Variants in JAKMIP3 observed in about 807,000 individuals in gnomAD.
JAKMIP3 encodes janus kinase and microtubule-interacting protein 3.
JAKMIP3 carries 58 observed loss-of-function variants against 118.5 expected under a neutral mutation model. That is an observed-to-expected ratio of 0.49 (90% CI 0.40 to 0.61). JAKMIP3 has a LOEUF of 0.61. JAKMIP3 is among the 20% of genes least tolerant of loss of function. The pLI is 0.00. For synonymous variants in JAKMIP3, 486 were observed against 451.2 expected (o/e 1.08, Z -0.98); for missense variants, 950 against 1,109.0 (o/e 0.86, Z 2.04).
chr10:132,140,703 C>A, intron 10 of JAKMIP3, 124 bp downstream of exon 10: 1 of 1,412,468 alleles, frequency 7.1e-7, no homozygotes, highest in South Asian at 1.6e-5. Context: ...TGGGCATGGG[C>A]TGCCGGCTTT....
At chr10:132,051,556 C>T (rs963517909) in intron 1 of JAKMIP3, among the ~76,000 whole-genome samples, 8 of 151,792 alleles carry the variant, frequency 5.3e-5, no homozygotes, top group Non-Finnish European at 1.2e-4. Flanking sequence ...GATTCTTTTG[C>T]CTATTTTTTT....
chr10:132,135,451 G>A (rs2051551569), intron 5 of JAKMIP3, among the ~76,000 whole-genome samples: 1 of 152,210 alleles, frequency 6.6e-6, no homozygotes, highest in Non-Finnish European at 1.5e-5. Context: ...CCTCTCAGTG[G>A]GGCTGTTGCC....
chr10:132,082,284 G>A lies in JAKMIP3; in HGVS notation c.-138+16223G>A, dbSNP rs575822917. Among the ~76,000 whole-genome samples, 4 of 151,858 alleles carry A rather than the reference G, an allele frequency of 2.6e-5. 1 individual carries two copies. The South Asian group carries it at 8.4e-4, about 32-fold the overall frequency. ...GAACAGGTGGTGTTCGGTTACATGG[G>A]TAAATTGTTTAGCGGTGATTTGTGA... On this transcript the variant is annotated intron_variant, in intron 1 of 23. Coordinates refer to ENST00000684848, the MANE Select transcript of JAKMIP3 (RefSeq NM_001323087.2).
intron 1 of JAKMIP3, among the ~76,000 whole-genome samples, chr10:132,084,379 A>G (rs760457142): frequency 1.3e-5 from 2 of 152,210 alleles, no homozygotes; most frequent in Non-Finnish European, 2.9e-5. Context: ...ATTTGTGTAC[A>G]TTAATTTTGT....
At chr10:132,109,085 TAC>T (rs1260029089) in intron 2 of JAKMIP3, among the ~76,000 whole-genome samples, 6 of 128,830 alleles carry the variant, frequency 4.7e-5, no homozygotes, top group South Asian at 2.3e-4. Flanking sequence ...CACATATATA[TAC>T]ACACACATAT....
chr10:132,148,076 T>A (rs1242590277), intron 14 of JAKMIP3, 26 bp downstream of exon 14: 4 of 1,470,146 alleles, frequency 2.7e-6, no homozygotes, highest in Non-Finnish European at 3.8e-6. Context: ...GCCAGCACTG[T>A]GGCCTGTGGC....
At chr10:132,127,392 TTG>T (rs145559558) in intron 3 of JAKMIP3, among the ~76,000 whole-genome samples, 8,157 of 146,826 alleles carry the variant, frequency 0.056, 414 homozygotes, top group African/African-American at 0.13. Flanking sequence ...CTGGCTAATT[TTG>T]TGTGTGTGTG....
At position 132,044,593 on chromosome 10, in the gene JAKMIP3, C is replaced by T. The variant is rs1214068219; in HGVS notation, c.-138+7855C>T. ...GGGGTGCACCTGGGACTAGAGCAGG[C>T]TGGGGTCCTGGCGCGGGCTCTTCCT... On this transcript the variant is annotated intron_variant, in intron 1 of 23. Transcript: ENST00000657785. This position sits in a 1 kb window ranked among gnomAD's most constrained non-coding sequence, Gnocchi z 5.3. Among the ~76,000 whole-genome samples, 1 of 152,108 alleles carries T rather than the reference C, an allele frequency of 6.6e-6. No individual in the cohort carries two copies. Among genetic ancestry groups the T allele is most frequent in the Non-Finnish European group, 1.5e-5 (1 of 68,018 alleles).
intron 23 of JAKMIP3, among the ~76,000 whole-genome samples, chr10:132,173,984 C>CTGTGGTGTGTCTGTGGTAGTG (rs1228266757): frequency 7.3e-6 from 1 of 137,822 alleles, no homozygotes; most frequent in Admixed American, 7.2e-5. Flanking sequence ...CTCTGGTGGT[C>CTGTGGTGTGTCTGTGGTAGTG]TGTGGTGTGT....
chr10:132,095,730 A>C (rs1244430571), intron 1 of JAKMIP3, among the ~76,000 whole-genome samples: 1 of 152,178 alleles, frequency 6.6e-6, no homozygotes, highest in Non-Finnish European at 1.5e-5. Context: ...TTCTGCCTGC[A>C]ATCTAGTCCC....
intron 1 of JAKMIP3, among the ~76,000 whole-genome samples, chr10:132,038,465 TA>T (rs952729306): frequency 3.2e-4 from 48 of 152,052 alleles, no homozygotes; most frequent in Admixed American, 2.0e-4. Flanking sequence ...AGCTAATTTT[TA>T]AAAAAAGACG....
intron 16 of JAKMIP3, among the ~76,000 whole-genome samples, chr10:132,152,511 A>G (rs2056391243): frequency 6.6e-6 from 1 of 152,204 alleles, no homozygotes; most frequent in Non-Finnish European, 1.5e-5. Flanking sequence ...GGATTCAGCC[A>G]TTTCACAGCC....
At chr10:132,083,769 C>A (rs2042058469) in intron 1 of JAKMIP3, among the ~76,000 whole-genome samples, 1 of 152,154 alleles carries the variant, frequency 6.6e-6, no homozygotes, top group Non-Finnish European at 1.5e-5. Context: ...GGTATCCCAG[C>A]ACCATTTGTT....
rs1467551292 is a variant in JAKMIP3 at position 132,154,008 on chromosome 10, G to C, written c.2220+18G>C. On this transcript the variant is annotated intron_variant, in intron 19 of 23. Coordinates refer to ENST00000684848, the MANE Select transcript of JAKMIP3 (RefSeq NM_001323087.2). ...CCAACAAGGTGAGAGGCACGAGACTGCTGGAACCCCGGGGAGGGGCACTGG... is the reference window on the plus strand; with the variant it reads ...CCAACAAGGTGAGAGGCACGAGACTCCTGGAACCCCGGGGAGGGGCACTGG... 1 of 1,611,494 alleles carries C rather than the reference G, an allele frequency of 6.2e-7. No homozygotes were observed. The highest frequency in any genetic ancestry group is 8.5e-7 in the Non-Finnish European group (1 of 1,178,710).
chr10:132,147,209 C>G (rs1390544360), intron 13 of JAKMIP3, among the ~76,000 whole-genome samples: 1 of 152,198 alleles, frequency 6.6e-6, no homozygotes, highest in Non-Finnish European at 1.5e-5. Flanking sequence ...CGGCTCACTC[C>G]AAGGATGCAA....
Position 132,139,390 on chromosome 10 carries a change from ATGAG to A in JAKMIP3, c.1345-1059_1345-1056del, listed in dbSNP as rs1564948856. ...TGTACGTGTGTGAGTATGTGAGTGT[ATGAG>A]TATGTGAGTGTGTATGTGTGAGTGT... On this transcript the variant is annotated intron_variant, in intron 9 of 23. Coordinates refer to ENST00000684848, the MANE Select transcript of JAKMIP3 (RefSeq NM_001323087.2). 7.7e-3 allele frequency among the ~76,000 whole-genome samples: 914 copies of A among 118,700 alleles called. 22 individuals carry two copies. The highest frequency in any genetic ancestry group is 0.031 in the African/African-American group (880 of 28,258). The allele number at this position is 118,700 out of a possible 152,430, so 77.9% of individuals were successfully genotyped here.
chr10:132,164,867 G>A, intron 21 of JAKMIP3, 132 bp downstream of exon 21: 1 of 662,338 alleles, frequency 1.5e-6, no homozygotes, highest in Non-Finnish European at 2.7e-6. Context: ...GCGGGAAGCG[G>A]CCGCCTGGAG....
At chr10:132,173,029 T>C (rs1277184592) in intron 23 of JAKMIP3, among the ~76,000 whole-genome samples, 17 of 5,110 alleles carry the variant, frequency 3.3e-3, no homozygotes, top group Non-Finnish European at 4.7e-3. Flanking sequence ...CTCTCTCTCC[T>C]TCCCTCTCTC....
At chr10:132,058,258 G>A (rs1160000497) in intron 1 of JAKMIP3, among the ~76,000 whole-genome samples, 1 of 152,202 alleles carries the variant, frequency 6.6e-6, no homozygotes, top group Non-Finnish European at 1.5e-5. Flanking sequence ...CCCATGGGTG[G>A]AAATACAAAG....
Sources: gnomAD v4.1 joint callset for allele counts (sites outside exome capture counted in the v4.1 genomes callset) on GRCh38, gnomAD v4.1.1 for gene constraint, Gnocchi (gnomAD v3.1) non-coding constraint, MANE v1.5 for transcripts, NCBI Gene and HGNC (gene_info 2026-07-23, HGNC 2026-07-21) for gene names.